Variants in WRN observed in about 807,000 individuals in gnomAD.
WRN encodes the protein WRN RecQ like helicase, also known as bifunctional 3'-5' exonuclease/ATP-dependent helicase WRN.
WRN carries 149 observed loss-of-function variants against 180.7 expected under a neutral mutation model. The ratio of observed to expected loss-of-function variants is 0.82; its 90% CI spans 0.72 to 0.94. The LOEUF is 0.94. WRN is among the 40% of genes least tolerant of loss of function. WRN has a pLI of 0.00. For missense variants in WRN, 1,661 were observed against 1,700.1 expected (o/e 0.98, Z 0.40); for synonymous variants, 548 against 568.9 (o/e 0.96, Z 0.52).
intron 1 of WRN, among the ~76,000 whole-genome samples, chr8:31,052,885 TG>T (rs1330576013): frequency 2.0e-5 from 3 of 152,182 alleles, no homozygotes; most frequent in Admixed American, 6.5e-5. Flanking sequence ...GGTACCTCGC[TG>T]GGTTGCTGAG....
At chr8:31,144,487 C>T (rs1802785401) in intron 28 of WRN, among the ~76,000 whole-genome samples, 3 of 151,960 alleles carry the variant, frequency 2.0e-5, no homozygotes, top group Admixed American at 1.3e-4. Flanking sequence ...AGGCGCCCCC[C>T]GATCATGTCT....
At chr8:31,166,935 C>T in intron 33 of WRN, 87 bp from the exon 34 acceptor site, 1 of 1,315,304 alleles carries the variant, frequency 7.6e-7, no homozygotes. Context: ...TTCCTTTCTA[C>T]AGAATATTTC....
At position 31,116,534 on chromosome 8, in the gene WRN, A is replaced by G. The variant is rs2130306402; in HGVS notation, c.2448+6A>G. The G allele has an allele frequency of 6.2e-7, 1 of 1,613,598 alleles. No individual in the cohort carries two copies. The highest frequency in any genetic ancestry group is 1.3e-5 in the African/African-American group (1 of 75,062). On this transcript the variant is annotated splice_donor_region_variant and intron_variant, in intron 20 of 34. Transcript: ENST00000298139. Reference sequence around the variant, plus strand: ...TTGTAAGAGATGAAATTCAGGTATGAGGATCAATCATCATTGCTCTCCGTT... The same window carrying G: ...TTGTAAGAGATGAAATTCAGGTATGGGGATCAATCATCATTGCTCTCCGTT...
chr8:31,157,558 C>G, intron 33 of WRN, 28 bp downstream of exon 33: 2 of 1,613,244 alleles, frequency 1.2e-6, no homozygotes, highest in Non-Finnish European at 1.7e-6. Context: ...GCTCTGCACC[C>G]TTAATGACTT....
At chr8:31,060,287 C>G (rs2130011604) in intron 3 of WRN, among the ~76,000 whole-genome samples, 1 of 152,246 alleles carries the variant, frequency 6.6e-6, no homozygotes, top group South Asian at 2.1e-4. Flanking sequence ...AGCAGAGGTG[C>G]TGGGCACAGT....
chr8:31,155,758 GAGTTT>G (rs1421622834), intron 32 of WRN, among the ~76,000 whole-genome samples: 5 of 152,072 alleles, frequency 3.3e-5, no homozygotes, highest in Non-Finnish European at 5.9e-5. Flanking sequence ...GCTTACAGTT[GAGTTT>G]AATTTGAGTT....
chr8:31,114,013 C>G (rs1195079993), intron 19 of WRN, among the ~76,000 whole-genome samples: 1 of 151,482 alleles, frequency 6.6e-6, no homozygotes, highest in African/African-American at 2.4e-5. Context: ...TTAAGGAGAT[C>G]AAGAAAGATT....
chr8:31,166,060 T>C (rs1308321023), intron 33 of WRN, among the ~76,000 whole-genome samples: 1 of 152,282 alleles, frequency 6.6e-6, no homozygotes, highest in Middle Eastern at 3.4e-3. Flanking sequence ...TTTTGTTTTT[T>C]GCTTTTTAAC....
In WRN at chr8:31,173,303, A is replaced by G; in HGVS notation, c.*201A>G. On this transcript the variant is annotated 3_prime_UTR_variant, in exon 35 of 35. Transcript: ENST00000298139. ...GGGTCTTCTGGGAGCCTACGTGAGT[A>G]CATCACCTAACAGAATATTAAATTA... 1.8e-6 allele frequency: 1 copy of G among 570,248 alleles called. No homozygotes were observed. Among genetic ancestry groups the G allele is most frequent in the Non-Finnish European group, 3.1e-6 (1 of 320,942 alleles). 35.3% of individuals were successfully genotyped at this position (570,248 alleles called of 1,614,324 possible).
At chr8:31,097,521 C>T (rs1184149688) in intron 17 of WRN, among the ~76,000 whole-genome samples, 1 of 152,054 alleles carries the variant, frequency 6.6e-6, no homozygotes, top group Admixed American at 6.6e-5. Flanking sequence ...TTTCCTAGAA[C>T]GTGTAAATAT....
rs776917867 is a variant in WRN, at chr8:31,067,187, G to A, written c.654+5G>A. ...TATGCAGCCACTGATGCTTATGTAC[G>A]TGCTTAAAGATCTTTAGAAATTGTG... On this transcript the variant is annotated splice_donor_5th_base_variant and intron_variant, in intron 6 of 34. Transcript: ENST00000298139. The A allele has an allele frequency of 9.3e-6, 15 of 1,613,072 alleles. No homozygotes were observed. The highest frequency in any genetic ancestry group is 6.7e-5 in the East Asian group (3 of 44,838).
At chr8:31,077,407 AT>A (rs5890551) in intron 8 of WRN, among the ~76,000 whole-genome samples, 7 of 150,050 alleles carry the variant, frequency 4.7e-5, no homozygotes, top group Admixed American at 4.6e-4. Context: ...CACCTGGCTA[AT>A]TTTTTTTTTA....
rs778754032 is a variant in WRN at position 31,142,636 on chromosome 8, G to C, written c.3244G>C (p.Val1082Leu). 2 of 1,598,480 alleles carry C rather than the reference G, an allele frequency of 1.3e-6. No homozygotes were observed. The highest frequency in any genetic ancestry group is 2.2e-5 in the East Asian group (1 of 44,482). Residue 1082 changes from valine (V) to leucine (L), a missense_variant, in exon 27 of 35, where the codon GTA (valine) becomes CTA (leucine). Around this residue, in one of 3 missense-constraint regions of WRN, gnomAD observed 1,141 missense variants for 1,149.4 expected, o/e 0.99. Coordinates refer to ENST00000298139, the MANE Select transcript of WRN (RefSeq NM_000553.6). The part of the protein sequence containing the change: ...KKLLLPSSKT[V>L]SSGTKEHCYN... ...TTTATTATTTTTTAGTTCGAAAACT[G>C]TATCTTCGGGCACCAAAGAGCATTG... is the stretch of plus-strand genomic sequence containing the variant.
intron 34 of WRN, among the ~76,000 whole-genome samples, chr8:31,169,343 TA>T (rs1486553808): frequency 6.6e-6 from 1 of 151,730 alleles, no homozygotes; most frequent in Non-Finnish European, 1.5e-5. Flanking sequence ...TTTTTATTTA[TA>T]TATACATATT....
At chr8:31,161,534 C>T (rs1025672944) in intron 33 of WRN, among the ~76,000 whole-genome samples, 1 of 152,062 alleles carries the variant, frequency 6.6e-6, no homozygotes, top group African/African-American at 2.4e-5. Flanking sequence ...AGTAGAAATA[C>T]AGTGTAAAAG....
At chr8:31,088,776 C>T in intron 12 of WRN, 114 bp from the exon 13 acceptor site, 1 of 858,808 alleles carries the variant, frequency 1.2e-6, no homozygotes, top group Non-Finnish European at 1.9e-6. Flanking sequence ...AAAACATTAA[C>T]CCATGGTAGC....
intron 5 of WRN, among the ~76,000 whole-genome samples, chr8:31,065,878 CTT>C (rs1201740447): frequency 6.1e-5 from 8 of 130,634 alleles, no homozygotes; most frequent in Non-Finnish European, 6.6e-5. Flanking sequence ...AGTTTCTTTT[CTT>C]TTTTTTTTTT....
chr8:31,084,421 AAAAG>A (rs1813445107), intron 10 of WRN, among the ~76,000 whole-genome samples: 2 of 152,136 alleles, frequency 1.3e-5, no homozygotes, highest in South Asian at 2.1e-4. Context: ...TTTTTTTAAA[AAAAG>A]AACTTTTTTC....
At chr8:31,091,268 A>G (rs1398733962) in intron 15 of WRN, among the ~76,000 whole-genome samples, 1 of 152,136 alleles carries the variant, frequency 6.6e-6, no homozygotes, top group African/African-American at 2.4e-5. Flanking sequence ...TATACATGGA[A>G]GTATATTTTT....
Sources: gnomAD v4.1 joint callset for allele counts (sites outside exome capture counted in the v4.1 genomes callset) on GRCh38, gnomAD v4.1.1 for gene constraint, gnomAD v4.1.1 regional missense constraint, MANE v1.5 for transcripts, NCBI Gene and HGNC (gene_info 2026-07-23, HGNC 2026-07-21) for gene names.